Variants in S100Z observed in about 807,000 individuals in gnomAD.
S100Z encodes S100 calcium binding protein Z.
In S100Z, 11 loss-of-function variants were observed where a neutral mutation model predicts 8.5. That is an observed-to-expected ratio of 1.30 (90% CI 0.82 to 2.15). The LOEUF is 2.15. S100Z is among the 30% of genes most tolerant of loss of function. The pLI is 0.00. For synonymous variants in S100Z, 34 were observed against 43.8 expected, an observed-to-expected ratio of 0.78 and a Z score of 0.89; for missense variants, 126 against 117.9, an observed-to-expected ratio of 1.07 and a Z score of -0.32.
the S100Z span, among the ~76,000 whole-genome samples, chr5:76,939,873 T>A: frequency 6.6e-6 from 1 of 151,798 alleles, no homozygotes; most frequent in Non-Finnish European, 1.5e-5. Context: ...AAATCAGGTT[T>A]ACTGGGCCAG....
At chr5:76,888,367 A>AGTT (rs1743726611) in intron 4 of S100Z, among the ~76,000 whole-genome samples, 1 of 45,426 alleles carries the variant, frequency 2.2e-5, no homozygotes, top group Non-Finnish European at 3.8e-5. Context: ...AAGTGCTGGT[A>AGTT]TTTTTTTTTT....
chr5:76,865,987 C>T (rs149612628), intron 1 of S100Z, among the ~76,000 whole-genome samples: 4,152 of 150,760 alleles, frequency 0.028, 181 homozygotes, highest in African/African-American at 0.095. Flanking sequence ...TGCACTCCAG[C>T]CTGGGCGACA....
chr5:76,868,354 A>G (rs1474971290), intron 1 of S100Z, among the ~76,000 whole-genome samples: 3 of 152,164 alleles, frequency 2.0e-5, no homozygotes, highest in African/African-American at 7.2e-5. Flanking sequence ...AGAGAAAATC[A>G]CCTTGCTTTT....
At chr5:76,908,595 G>A (rs995059765) in intron 4 of S100Z, among the ~76,000 whole-genome samples, 2 of 152,186 alleles carry the variant, frequency 1.3e-5, no homozygotes, top group African/African-American at 4.8e-5. Flanking sequence ...CCCATCATAG[G>A]TGGGACTATC....
At chr5:76,850,531 C>T (rs1750698412) in intron 1 of S100Z, among the ~76,000 whole-genome samples, 1 of 152,196 alleles carries the variant, frequency 6.6e-6, no homozygotes, top group African/African-American at 2.4e-5. Flanking sequence ...GCCAAAGACC[C>T]AGAAGAACCT....
At chr5:76,945,630 C>T in the S100Z span, among the ~76,000 whole-genome samples, 1 of 152,248 alleles carries the variant, frequency 6.6e-6, no homozygotes, top group African/African-American at 2.4e-5. Context: ...CCTATGTGCA[C>T]ATCCAGGCAT....
chr5:76,879,284 A>G (rs888548186), intron 4 of S100Z, among the ~76,000 whole-genome samples: 22 of 152,068 alleles, frequency 1.4e-4, no homozygotes, highest in African/African-American at 5.1e-4. Flanking sequence ...GAGCCTGGGC[A>G]TTGTTGTCAT....
At chr5:76,915,787 G>C (rs1744835412) in intron 4 of S100Z, among the ~76,000 whole-genome samples, 1 of 152,126 alleles carries the variant, frequency 6.6e-6, no homozygotes, top group South Asian at 2.1e-4. Context: ...TTCTCTACAA[G>C]AAACTCACAT....
chr5:76,911,828 G>C (rs1744672711), intron 4 of S100Z, among the ~76,000 whole-genome samples: 1 of 152,158 alleles, frequency 6.6e-6, no homozygotes, highest in Non-Finnish European at 1.5e-5. Flanking sequence ...GCCTATACTG[G>C]CTTATCCTCA....
At chr5:76,926,020 A>C (rs1410586132), downstream of S100Z, among the ~76,000 whole-genome samples, 1 of 152,164 alleles carries the variant, frequency 6.6e-6, no homozygotes, top group African/African-American at 2.4e-5. Context: ...ATAGTTTCAA[A>C]GGTTGGTAAA....
intron 2 of S100Z, among the ~76,000 whole-genome samples, chr5:76,874,761 T>C (rs1743119088): frequency 1.3e-5 from 2 of 152,206 alleles, no homozygotes; most frequent in Admixed American, 1.3e-4. Flanking sequence ...CTTATGAATA[T>C]GCTGGAGCTG....
chr5:76,897,943 CTTCT>C (rs1388309371), intron 4 of S100Z, among the ~76,000 whole-genome samples: 1 of 152,124 alleles, frequency 6.6e-6, no homozygotes, highest in African/African-American at 2.4e-5. Flanking sequence ...GATAATTTAA[CTTCT>C]TTCTTTCCAA....
intron 4 of S100Z, among the ~76,000 whole-genome samples, chr5:76,904,207 T>G (rs936043236): frequency 2.0e-5 from 3 of 152,172 alleles, no homozygotes; most frequent in East Asian, 1.9e-4. Context: ...CCCACTTTTC[T>G]TTTTGAGACA....
At chr5:76,924,506 G>C (rs1310933561), downstream of S100Z, among the ~76,000 whole-genome samples, 1 of 152,072 alleles carries the variant, frequency 6.6e-6, no homozygotes, top group African/African-American at 2.4e-5. Context: ...GAGAACCCCT[G>C]GTCCTCAGGA....
At chr5:76,937,009 ATCG>A in the S100Z span, among the ~76,000 whole-genome samples, 10,672 of 152,152 alleles carry the variant, frequency 0.07, 383 homozygotes, top group Middle Eastern at 0.11. Flanking sequence ...TGGAAGTCTG[ATCG>A]TCATACGCAA....
chr5:76,935,831 C>T, the S100Z span, among the ~76,000 whole-genome samples: 2 of 151,194 alleles, frequency 1.3e-5, no homozygotes, highest in African/African-American at 4.9e-5. Context: ...GGCTGAAGTG[C>T]AATGGCATGA....
chr5:76,898,261 C>T (rs1744107981), intron 4 of S100Z, among the ~76,000 whole-genome samples: 2 of 152,072 alleles, frequency 1.3e-5, no homozygotes, highest in Admixed American at 1.3e-4. Context: ...AGTGATTCTC[C>T]TGCCTCAGCC....
chr5:76,888,273 A>T (rs1213037212), intron 4 of S100Z, among the ~76,000 whole-genome samples: 2 of 151,324 alleles, frequency 1.3e-5, no homozygotes, highest in Non-Finnish European at 2.9e-5. Flanking sequence ...AAGAAAAAAA[A>T]AAGGAAAGAA....
In S100Z at chr5:76,898,938, T is replaced by C. The variant is rs867513879; in HGVS notation, c.*2+21104T>C. On this transcript the variant is annotated intron_variant, in intron 4 of 4. Coordinates refer to ENST00000317593, the MANE Select transcript of S100Z (RefSeq NM_130772.4). ...GGGTCCTGGGCTTTTCTTTTCTTTT[T>C]TTTTTTTTTTTTTTGAGACAGAATT... 4.2e-4 allele frequency among the ~76,000 whole-genome samples: 59 copies of C among 140,358 alleles called. No homozygotes were observed. The South Asian group carries it at 5.7e-3, about 14-fold the overall frequency. 92.1% of individuals were successfully genotyped at this position (140,358 alleles called of 152,430 possible).
Sources: allele counts gnomAD v4.1 joint callset (sites outside exome capture counted in the v4.1 genomes callset), GRCh38; gene constraint gnomAD v4.1.1; transcripts MANE v1.5; gene names NCBI Gene and HGNC (gene_info 2026-07-23, HGNC 2026-07-21).